The following SUGCT variants were observed in gnomAD, a reference collection of about 807,000 sequenced individuals.
The protein encoded by SUGCT is succinyl-CoA:glutarate CoA-transferase.
SUGCT carries 41 observed loss-of-function variants against 55.0 expected under a neutral mutation model. The ratio of observed to expected loss-of-function variants is 0.74; its 90% CI spans 0.58 to 0.97. The LOEUF (loss-of-function observed/expected upper bound fraction) is 0.97. Ranked by LOEUF, SUGCT falls within the 50% of genes least tolerant of loss-of-function variation. The pLI, the probability that SUGCT is intolerant of heterozygous loss-of-function variation, is 0.00. For synonymous variants in SUGCT, 187 were observed against 200.4 expected, an observed-to-expected ratio of 0.93 and a Z score of 0.56; for missense variants, 568 against 547.8, an observed-to-expected ratio of 1.04 and a Z score of -0.37.
intron 13 of SUGCT, among the ~76,000 whole-genome samples, chr7:40,851,013 G>T (rs374364967): frequency 6.6e-6 from 1 of 152,156 alleles, no homozygotes; most frequent in Non-Finnish European, 1.5e-5. Flanking sequence ...AATTCTCACA[G>T]CTTTATATGA....
intron 12 of SUGCT, among the ~76,000 whole-genome samples, chr7:40,746,861 C>T (rs1359838906): frequency 1.3e-5 from 2 of 152,164 alleles, no homozygotes; most frequent in Non-Finnish European, 2.9e-5. Flanking sequence ...TTTTGTCTTT[C>T]GTGAGTAGCA....
At chr7:40,244,870 T>C (rs7798089) in intron 7 of SUGCT, among the ~76,000 whole-genome samples, 151,325 of 152,234 alleles carry the variant, frequency 0.99, 75,213 homozygotes, top group East Asian at 1. Context: ...TGTATGATTA[T>C]GTTGGGACAT....
At chr7:40,385,541 G>A (rs4386872) in intron 9 of SUGCT, among the ~76,000 whole-genome samples, 144,239 of 152,282 alleles carry the variant, frequency 0.95, 68,789 homozygotes, top group East Asian at 1. Flanking sequence ...TAGGATTTTG[G>A]CATGATCTTC....
chr7:40,191,694 C>T (rs1264625063), intron 5 of SUGCT, among the ~76,000 whole-genome samples: 1 of 152,214 alleles, frequency 6.6e-6, no homozygotes, highest in African/African-American at 2.4e-5. Context: ...CCACCATGGC[C>T]AGCCAATTGC....
the SUGCT span, among the ~76,000 whole-genome samples, chr7:40,956,156 G>T: frequency 1.3e-5 from 2 of 152,188 alleles, no homozygotes; most frequent in Non-Finnish European, 2.9e-5. Flanking sequence ...AAGAGTTAGG[G>T]AGGAGTTCCT....
At chr7:40,343,195 A>G (rs1797144199) in intron 9 of SUGCT, among the ~76,000 whole-genome samples, 1 of 152,180 alleles carries the variant, frequency 6.6e-6, no homozygotes, top group Non-Finnish European at 1.5e-5. Flanking sequence ...ATCCTAATTT[A>G]TCTGTTTATT....
chr7:40,664,080 G>T (rs982604743), intron 12 of SUGCT, among the ~76,000 whole-genome samples: 2 of 152,146 alleles, frequency 1.3e-5, no homozygotes, highest in Non-Finnish European at 2.9e-5. Context: ...GAGAGGCCTG[G>T]AACAGATTCT....
At chr7:40,590,701 C>G (rs1797666617) in intron 12 of SUGCT, among the ~76,000 whole-genome samples, 1 of 152,122 alleles carries the variant, frequency 6.6e-6, no homozygotes. Flanking sequence ...CAGGCTGACT[C>G]CTTTGTCGGG....
At chr7:40,887,550 C>T in the SUGCT span, among the ~76,000 whole-genome samples, 1 of 152,180 alleles carries the variant, frequency 6.6e-6, no homozygotes, top group South Asian at 2.1e-4. Context: ...ATTCAGCAAC[C>T]AGGCCAACAG....
chr7:40,352,242 T>C (rs1260736376), intron 9 of SUGCT, among the ~76,000 whole-genome samples: 1 of 152,198 alleles, frequency 6.6e-6, no homozygotes, highest in East Asian at 1.9e-4. Context: ...CATGCATTTG[T>C]GTGTTTGTGT....
At chr7:40,640,648 G>A (rs1800229375) in intron 12 of SUGCT, among the ~76,000 whole-genome samples, 1 of 152,092 alleles carries the variant, frequency 6.6e-6, no homozygotes, top group African/African-American at 2.4e-5. Context: ...TCACATTACT[G>A]GAATGCTGAA....
intron 1 of SUGCT, among the ~76,000 whole-genome samples, chr7:40,172,605 G>A (rs1784729906): frequency 6.6e-6 from 1 of 152,162 alleles, no homozygotes; most frequent in African/African-American, 2.4e-5. Flanking sequence ...GACCCAGGAC[G>A]TATGGGTCAG....
At chr7:40,312,952 C>A (rs6462970) in intron 8 of SUGCT, among the ~76,000 whole-genome samples, 56,577 of 151,906 alleles carry the variant, frequency 0.37, 10,775 homozygotes, top group East Asian at 0.48. Flanking sequence ...TGTATTATTG[C>A]AGCTTGATCC....
intron 6 of SUGCT, among the ~76,000 whole-genome samples, chr7:40,229,257 G>A (rs1375916659): frequency 1.3e-5 from 2 of 152,078 alleles, no homozygotes; most frequent in Admixed American, 6.5e-5. Flanking sequence ...GGTGGCTCAC[G>A]CCTGTAATCC....
the SUGCT span, among the ~76,000 whole-genome samples, chr7:40,944,762 T>C: frequency 5.4e-5 from 5 of 93,230 alleles, no homozygotes; most frequent in African/African-American, 1.4e-4. Context: ...CTCTAATGAC[T>C]TTCTTCACAG....
At chr7:40,978,662 A>G in the SUGCT span, among the ~76,000 whole-genome samples, 1 of 152,214 alleles carries the variant, frequency 6.6e-6, no homozygotes, top group Non-Finnish European at 1.5e-5. Context: ...GGCGAGACCA[A>G]AAGGATAAGG....
At chr7:40,930,175 G>A in the SUGCT span, among the ~76,000 whole-genome samples, 4 of 152,224 alleles carry the variant, frequency 2.6e-5, no homozygotes, top group Middle Eastern at 3.4e-3. Context: ...TATTAAATAG[G>A]GAATCCTTTC....
chr7:40,655,138 C>A (rs1385386867), intron 12 of SUGCT, among the ~76,000 whole-genome samples: 1 of 151,764 alleles, frequency 6.6e-6, no homozygotes, highest in Non-Finnish European at 1.5e-5. Flanking sequence ...TACAAAAAAT[C>A]AAAAAATTAG....
At chr7:40,915,893 A>G in the SUGCT span, among the ~76,000 whole-genome samples, 3 of 152,202 alleles carry the variant, frequency 2.0e-5, no homozygotes, top group South Asian at 6.2e-4. Flanking sequence ...TCTCTCCACC[A>G]TTGTATATTG....
Sources: gnomAD v4.1 joint callset for allele counts (sites outside exome capture counted in the v4.1 genomes callset) on GRCh38, gnomAD v4.1.1 for gene constraint, MANE v1.5 for transcripts, NCBI Gene and HGNC (gene_info 2026-07-23, HGNC 2026-07-21) for gene names.